SHC3: variants seen among roughly 807,000 people sequenced by gnomAD.
The protein encoded by SHC3 is SHC-transforming protein 3.
SHC3 carries 15 observed loss-of-function variants against 60.4 expected under a neutral mutation model. That is an observed-to-expected ratio of 0.25 (90% CI 0.17 to 0.38). The LOEUF (loss-of-function observed/expected upper bound fraction) is 0.38, where lower values mean the gene tolerates loss of function less well. Ranked by LOEUF, SHC3 falls within the 10% of genes least tolerant of loss-of-function variation. The pLI is 1.00. For synonymous variants in SHC3, 294 were observed against 325.9 expected (o/e 0.90, Z 1.05); for missense variants, 677 against 786.1 (o/e 0.86, Z 1.66).
At chr9:89,106,690 C>T (rs1825865218) in intron 2 of SHC3, among the ~76,000 whole-genome samples, 1 of 152,168 alleles carries the variant, frequency 6.6e-6, no homozygotes. Flanking sequence ...CCTGCCACTG[C>T]TCCCTAGGTA....
intron 2 of SHC3, among the ~76,000 whole-genome samples, chr9:89,080,768 C>CT (rs11445164): frequency 0.25 from 32,340 of 127,068 alleles, 4,768 homozygotes; most frequent in Non-Finnish European, 0.33. Flanking sequence ...TGTATGTATA[C>CT]TTTTTTTTTT....
chr9:89,061,415 G>T (rs192062841), intron 6 of SHC3, among the ~76,000 whole-genome samples: 1 of 152,268 alleles, frequency 6.6e-6, no homozygotes, highest in South Asian at 2.1e-4. Context: ...CACCATATTC[G>T]AGAAGCCCAG....
At chr9:89,077,276 G>A (rs1298377502) in intron 3 of SHC3, among the ~76,000 whole-genome samples, 1 of 151,940 alleles carries the variant, frequency 6.6e-6, no homozygotes, top group Non-Finnish European at 1.5e-5. Flanking sequence ...TGTTTTTCAA[G>A]TTATTTATGC....
At chr9:89,114,811 C>T (rs1825998898) in intron 1 of SHC3, among the ~76,000 whole-genome samples, 1 of 152,122 alleles carries the variant, frequency 6.6e-6, no homozygotes, top group Non-Finnish European at 1.5e-5. Flanking sequence ...TTTGCAACCT[C>T]ATCCACAATT....
chr9:89,034,388 A>G (rs1824538244), intron 11 of SHC3, among the ~76,000 whole-genome samples: 1 of 152,250 alleles, frequency 6.6e-6, no homozygotes, highest in Admixed American at 6.5e-5. Flanking sequence ...TAATCTCCCC[A>G]AAGCCTACTG....
rs1825941545 is a variant in SHC3 at position 89,006,437 on chromosome 9, C to A, written c.*7010G>T. 1 of 152,224 alleles carries A rather than the reference C, an allele frequency of 6.6e-6. No individual in the cohort carries two copies. Among genetic ancestry groups the A allele is most frequent in the Non-Finnish European group, 1.5e-5 (1 of 68,048 alleles). 9.4% of individuals were successfully genotyped at this position (152,224 alleles called of 1,614,324 possible). On this transcript the variant is annotated 3_prime_UTR_variant, in exon 12 of 12. Transcript: ENST00000375835. ...TTGAAATTCGTTTTGCATTTCCACT[C>A]CTCAGGGATGTCAAAAAAGCCAGTT...
At chr9:89,066,322 G>T (rs1825180421) in intron 5 of SHC3, among the ~76,000 whole-genome samples, 1 of 152,246 alleles carries the variant, frequency 6.6e-6, no homozygotes, top group African/African-American at 2.4e-5. Flanking sequence ...GACTGCAAAT[G>T]CTGCCTTCCT....
chr9:89,072,805 G>A (rs796449030), intron 4 of SHC3, among the ~76,000 whole-genome samples: 1 of 152,186 alleles, frequency 6.6e-6, no homozygotes, highest in African/African-American at 2.4e-5. Flanking sequence ...AGGCAGTCAG[G>A]ATTTATATAG....
chr9:89,010,554 G>C lies in SHC3; in HGVS notation c.*2893C>G, dbSNP rs956260892. On this transcript the variant is annotated 3_prime_UTR_variant, in exon 12 of 12. Coordinates refer to ENST00000375835, the MANE Select transcript of SHC3 (RefSeq NM_016848.6). The stretch of plus-strand genomic sequence containing the variant: ...CCACCTTGTACTCCCAGAAGACATA[G>C]AGTTTGGGGTTAAGTGTTGGGGGTG... The C allele has an allele frequency of 6.6e-6, 1 of 152,506 alleles. No individual in the cohort carries two copies. The highest frequency in any genetic ancestry group is 6.5e-5 in the Admixed American group (1 of 15,294). 9.4% of individuals were successfully genotyped at this position (152,506 alleles called of 1,614,324 possible). A position where few individuals can be genotyped will look rare whatever the true frequency, so the allele number is the denominator to read the frequency against.
chr9:89,116,404 C>T (rs1826019632), intron 1 of SHC3, among the ~76,000 whole-genome samples: 1 of 152,118 alleles, frequency 6.6e-6, no homozygotes. Context: ...ACCACCACCA[C>T]TATCACAGAG....
intron 9 of SHC3, among the ~76,000 whole-genome samples, 164 bp from the exon 10 acceptor site, chr9:89,042,348 G>T (rs1221911911): frequency 6.6e-6 from 1 of 152,214 alleles, no homozygotes; most frequent in East Asian, 1.9e-4. Flanking sequence ...ACACTGCTGT[G>T]ACCCAGCTAG....
At chr9:89,087,212 T>C (rs1825544955) in intron 2 of SHC3, among the ~76,000 whole-genome samples, 1 of 152,186 alleles carries the variant, frequency 6.6e-6, no homozygotes, top group Admixed American at 6.5e-5. Context: ...AAACACATAA[T>C]AGTAAACATC....
intron 1 of SHC3, among the ~76,000 whole-genome samples, chr9:89,140,342 C>A (rs189690791): frequency 4.6e-5 from 7 of 152,044 alleles, no homozygotes; most frequent in South Asian, 4.2e-4. Context: ...GATTCCCCCC[C>A]CCAGATTAAG....
intron 2 of SHC3, among the ~76,000 whole-genome samples, chr9:89,100,935 T>G (rs945492931): frequency 6.6e-6 from 1 of 152,352 alleles, no homozygotes; most frequent in South Asian, 2.1e-4. Context: ...AAGATTCAGC[T>G]TGTCAATTTC....
At chr9:89,166,607 G>T (rs914058793) in intron 1 of SHC3, among the ~76,000 whole-genome samples, 1 of 152,144 alleles carries the variant, frequency 6.6e-6, no homozygotes, top group Non-Finnish European at 1.5e-5. Flanking sequence ...GAATCGAAAA[G>T]GGGTTTAGAT....
rs774666935 is a variant in SHC3 at position 89,047,070 on chromosome 9, G to A, written c.963-76C>T. 284 of 1,422,472 alleles carry A rather than the reference G, an allele frequency of 2.0e-4. 1 individual carries two copies. Among genetic ancestry groups the A allele is most frequent in the Non-Finnish European group, 2.5e-4 (264 of 1,075,488 alleles). 88.1% of individuals were successfully genotyped at this position (1,422,472 alleles called of 1,614,324 possible). A position where few individuals can be genotyped will look rare whatever the true frequency, so the allele number is the denominator to read the frequency against. On this transcript the variant is annotated intron_variant, in intron 7 of 11. Transcript: ENST00000375835. ...CAAAATCAACAAATCTAATGTTAGC[G>A]CCTGTTATTAAGAAAAGAGAGTTTA...
rs763904223 is a variant in SHC3, at chr9:89,075,162, A to C, written c.676T>G (p.Ser226Ala). ...SNLQFAGMSISLTISTASLNL... is the reference protein window; with the variant it reads ...SNLQFAGMSIALTISTASLNL... ...AGACTGGCCGTGGAGATGGTCAGAG[A>C]GATGCTCATTCCCGCAAACTGGAGG... The change falls in exon 4 of 12, where the codon TCT (serine) becomes GCT (alanine). Residue 226 changes from serine (S) to alanine (A), a missense_variant. By Grantham distance (99) the Ser-to-Ala change is moderately conservative. Transcript: ENST00000375835. 1.9e-6 allele frequency: 3 copies of C among 1,613,982 alleles called. No homozygotes were observed. Among genetic ancestry groups the C allele is most frequent in the South Asian group, 1.1e-5 (1 of 91,070 alleles).
intron 1 of SHC3, among the ~76,000 whole-genome samples, chr9:89,120,690 G>A (rs1826079730): frequency 6.6e-6 from 1 of 152,136 alleles, no homozygotes; most frequent in African/African-American, 2.4e-5. Flanking sequence ...CTATTCATGT[G>A]TAAGTGCATA....
intron 1 of SHC3, among the ~76,000 whole-genome samples, chr9:89,135,900 C>A (rs1471980446): frequency 6.6e-6 from 1 of 152,134 alleles, no homozygotes; most frequent in East Asian, 1.9e-4. Context: ...GTTTACTTGG[C>A]ATAATTTTGC....
Sources: allele counts gnomAD v4.1 joint callset (sites outside exome capture counted in the v4.1 genomes callset), GRCh38; gene constraint gnomAD v4.1.1; transcripts MANE v1.5; gene names NCBI Gene and HGNC (gene_info 2026-07-23, HGNC 2026-07-21).